The following ACOXL variants were observed in gnomAD, a reference collection of about 807,000 sequenced individuals.
The protein encoded by ACOXL is acyl-coenzyme A oxidase-like protein.
In ACOXL, 70 loss-of-function variants were observed where a neutral mutation model predicts 71.9. That is an observed-to-expected ratio of 0.97 (90% confidence interval 0.80 to 1.19). The LOEUF is 1.19. ACOXL is among the 50% of genes most tolerant of loss of function. The probability of loss-of-function intolerance (pLI) is 0.00; values close to 1 mark genes in which losing one functional copy is unlikely to be tolerated. For missense variants in ACOXL, 703 were observed against 736.3 expected (o/e 0.95, Z 0.52); for synonymous variants, 253 against 281.6 (o/e 0.90, Z 1.02).
chr2:110,907,244 T>C (rs1458541006), intron 10 of ACOXL, among the ~76,000 whole-genome samples: 1 of 152,138 alleles, frequency 6.6e-6, no homozygotes, highest in Non-Finnish European at 1.5e-5. Context: ...GAGAGGGACC[T>C]TTCTCTTTTC....
At chr2:110,849,488 T>C (rs975107628) in intron 10 of ACOXL, among the ~76,000 whole-genome samples, 37 of 152,368 alleles carry the variant, frequency 2.4e-4, no homozygotes, top group African/African-American at 8.7e-4. Flanking sequence ...CTGCGTGCCG[T>C]GGTTCACGCC....
At chr2:110,921,434 C>T (rs2060071117) in intron 11 of ACOXL, among the ~76,000 whole-genome samples, 1 of 129,036 alleles carries the variant, frequency 7.7e-6, no homozygotes, top group African/African-American at 2.8e-5. Context: ...GCATTGTTTC[C>T]CAGGCTGGAG....
chr2:110,838,022 C>A (rs1690664203), intron 9 of ACOXL, among the ~76,000 whole-genome samples: 1 of 152,184 alleles, frequency 6.6e-6, no homozygotes, highest in African/African-American at 2.4e-5. Context: ...TTGTCTGAGG[C>A]CTCCTTTTGT....
intron 1 of ACOXL, among the ~76,000 whole-genome samples, chr2:110,733,916 C>T (rs1226750440): frequency 2.6e-5 from 4 of 152,058 alleles, no homozygotes; most frequent in Non-Finnish European, 5.9e-5. Flanking sequence ...TATAGTAATA[C>T]AAAAAAAGTT....
intron 16 of ACOXL, among the ~76,000 whole-genome samples, chr2:111,065,892 T>C (rs952078466): frequency 9.9e-5 from 15 of 152,162 alleles, no homozygotes; most frequent in African/African-American, 3.6e-4. Context: ...CAAGTGAGGA[T>C]GAAGAGAAAC....
chr2:111,064,425 C>G (rs9646934), intron 16 of ACOXL, among the ~76,000 whole-genome samples: 98,536 of 140,204 alleles, frequency 0.7, 34,730 homozygotes, highest in East Asian at 0.77. Flanking sequence ...GAAAGAGCGA[C>G]ACTCCATCTC....
chr2:110,756,114 C>T (rs753831919), intron 1 of ACOXL, among the ~76,000 whole-genome samples: 6 of 151,312 alleles, frequency 4.0e-5, no homozygotes, highest in Non-Finnish European at 8.8e-5. Context: ...TAGTAATAGC[C>T]CACTTTTCTT....
intron 5 of ACOXL, among the ~76,000 whole-genome samples, chr2:110,794,877 A>G (rs1685096583): frequency 6.6e-6 from 1 of 151,992 alleles, no homozygotes; most frequent in African/African-American, 2.4e-5. Context: ...ATAGTGGGTC[A>G]TAACATACCC....
intron 12 of ACOXL, among the ~76,000 whole-genome samples, chr2:110,976,512 T>C (rs2149506969): frequency 6.6e-6 from 1 of 152,364 alleles, no homozygotes; most frequent in South Asian, 2.1e-4. Context: ...AAATGCACTA[T>C]AAGTTCACTT....
chr2:110,957,775 G>A (rs1032748261), intron 12 of ACOXL, among the ~76,000 whole-genome samples: 1 of 152,148 alleles, frequency 6.6e-6, no homozygotes, highest in Non-Finnish European at 1.5e-5. Flanking sequence ...TTTTGTGGGG[G>A]ACCAGGGGTG....
intron 14 of ACOXL, among the ~76,000 whole-genome samples, chr2:111,001,267 T>A (rs962683463): frequency 6.6e-6 from 1 of 152,156 alleles, no homozygotes; most frequent in African/African-American, 2.4e-5. Context: ...TCACAGGAAA[T>A]GCACAAAGTT....
At chr2:110,772,394 A>G (rs1314929988) in intron 2 of ACOXL, among the ~76,000 whole-genome samples, 1 of 152,158 alleles carries the variant, frequency 6.6e-6, no homozygotes, top group Non-Finnish European at 1.5e-5. Flanking sequence ...CTGCTGCACT[A>G]TGCCTCCTTT....
At chr2:111,084,797 C>T (rs1188053423) in intron 16 of ACOXL, among the ~76,000 whole-genome samples, 1 of 151,446 alleles carries the variant, frequency 6.6e-6, no homozygotes, top group Non-Finnish European at 1.5e-5. Context: ...AGAGCAAGAC[C>T]CAATAGTATG....
At position 110,882,030 on chromosome 2, in the gene ACOXL, A is replaced by T; in HGVS notation, c.789-26759A>T. Among the ~76,000 whole-genome samples the T allele has an allele frequency of 1.3e-5, 2 of 152,142 alleles. 1 individual carries two copies. ...TAGATCATGTAGTCGGTGTATGTTT[A>T]ACTTTCTGAGAAACCACAACAGTTT... On this transcript the variant is annotated intron_variant, in intron 10 of 17. Coordinates refer to ENST00000439055, the MANE Select transcript of ACOXL (RefSeq NM_001142807.4).
At chr2:110,996,281 T>C in intron 14 of ACOXL, among the ~76,000 whole-genome samples, 1 of 152,170 alleles carries the variant, frequency 6.6e-6, no homozygotes, top group East Asian at 1.9e-4. Flanking sequence ...TTTTCAGCCC[T>C]TATCAAAGTT....
In ACOXL at chr2:110,972,662, C is replaced by T. The variant is rs1053387233; in HGVS notation, c.1060-14446C>T. On this transcript the variant is annotated intron_variant, in intron 12 of 17. Coordinates refer to ENST00000439055, the MANE Select transcript of ACOXL (RefSeq NM_001142807.4). ...ACACACACACGTGCACACACACACACACACACACACACACAAAATTCAAGG... is the reference window on the plus strand; with the variant it reads ...ACACACACACGTGCACACACACACATACACACACACACACAAAATTCAAGG... Among the ~76,000 whole-genome samples the T allele has an allele frequency of 1.3e-3, 195 of 152,092 alleles. 1 individual carries two copies. Among genetic ancestry groups the T allele is most frequent in the East Asian group, 0.01 (53 of 5,178 alleles).
chr2:110,976,432 C>T (rs1221780578), intron 12 of ACOXL, among the ~76,000 whole-genome samples: 1 of 152,180 alleles, frequency 6.6e-6, no homozygotes, highest in African/African-American at 2.4e-5. Flanking sequence ...AAGAAGGTTG[C>T]TTTGAATGTA....
intron 12 of ACOXL, among the ~76,000 whole-genome samples, chr2:110,953,900 A>T (rs2061413730): frequency 6.6e-6 from 1 of 152,212 alleles, no homozygotes; most frequent in South Asian, 2.1e-4. Context: ...TATCATGAGA[A>T]CAACAAGGGG....
At chr2:110,869,214 C>G (rs1694973037) in intron 10 of ACOXL, among the ~76,000 whole-genome samples, 1 of 152,122 alleles carries the variant, frequency 6.6e-6, no homozygotes, top group Non-Finnish European at 1.5e-5. Context: ...ACTCTCAACC[C>G]TGGGGCCCAC....
Sources: allele counts gnomAD v4.1 joint callset (sites outside exome capture counted in the v4.1 genomes callset), GRCh38; gene constraint gnomAD v4.1.1; transcripts MANE v1.5; gene names NCBI Gene and HGNC (gene_info 2026-07-23, HGNC 2026-07-21).